The following CDC14A variants were observed in gnomAD, a reference collection of about 807,000 sequenced individuals.
CDC14A encodes dual specificity protein phosphatase CDC14A.
A neutral mutation model predicts 74.4 loss-of-function variants in CDC14A; 53 were observed. The ratio of observed to expected loss-of-function variants is 0.71; its 90% confidence interval spans 0.57 to 0.89. The LOEUF (loss-of-function observed/expected upper bound fraction) is 0.89, where lower values mean the gene tolerates loss of function less well. CDC14A is among the 40% of genes least tolerant of loss of function. The probability of loss-of-function intolerance (pLI) is 0.00; values close to 1 mark genes in which losing one functional copy is unlikely to be tolerated. For missense variants in CDC14A, 646 were observed against 713.7 expected, an observed-to-expected ratio of 0.91 and a Z score of 1.08; for synonymous variants, 247 against 258.4, an observed-to-expected ratio of 0.96 and a Z score of 0.43.
intron 15 of CDC14A, among the ~76,000 whole-genome samples, chr1:100,512,594 T>C (rs899187172): frequency 2.0e-5 from 3 of 152,194 alleles, no homozygotes; most frequent in African/African-American, 7.2e-5. Flanking sequence ...AAGCTGGGTG[T>C]CAACAATCTG....
chr1:100,498,139 A>C lies in CDC14A; in HGVS notation c.1353A>C (p.Ala451=). ...SAVTLKTSKM[A]LSPSATAKRI... ...TTACTTTGAAGACATCAAAAATGGC[A>C]CTGTCCCCTTCAGCAACGGCCAAGA... is the stretch of plus-strand genomic sequence containing the variant. The change falls in exon 14 of 16, where the codon GCA becomes GCC. Residue 451 remains alanine (A), a synonymous_variant. Transcript: ENST00000336454. 6.2e-7 allele frequency: 1 copy of C among 1,614,170 alleles called. No individual in the cohort carries two copies. Among genetic ancestry groups the C allele is most frequent in the Non-Finnish European group, 8.5e-7 (1 of 1,179,978 alleles).
At chr1:100,387,713 T>G (rs943755273) in intron 3 of CDC14A, among the ~76,000 whole-genome samples, 15 of 152,202 alleles carry the variant, frequency 9.9e-5, no homozygotes, top group Non-Finnish European at 2.2e-4. Context: ...AAATAATATT[T>G]ATAGCTATAC....
At chr1:100,400,330 C>T (rs1157039240) in intron 4 of CDC14A, among the ~76,000 whole-genome samples, 2 of 152,218 alleles carry the variant, frequency 1.3e-5, no homozygotes, top group East Asian at 1.9e-4. Flanking sequence ...AAATAAATGT[C>T]ATTTAAAATG....
At chr1:100,471,864 A>C (rs1668430900) in intron 10 of CDC14A, among the ~76,000 whole-genome samples, 1 of 152,138 alleles carries the variant, frequency 6.6e-6, no homozygotes, top group South Asian at 2.1e-4. Context: ...GTTGATTCAA[A>C]TGTGACAGAA....
chr1:100,413,306 A>G (rs1393024399), intron 4 of CDC14A, among the ~76,000 whole-genome samples: 1 of 152,164 alleles, frequency 6.6e-6, no homozygotes, highest in African/African-American at 2.4e-5. Context: ...TCTATTCTTC[A>G]GTGAGTTCAA....
chr1:100,461,526 A>G (rs1667315022), intron 8 of CDC14A, among the ~76,000 whole-genome samples: 1 of 144,942 alleles, frequency 6.9e-6, no homozygotes, highest in South Asian at 2.1e-4. Context: ...GGGTTCAGTG[A>G]ATTCTGAATG....
At chr1:100,494,123 G>A (rs375442114) in intron 11 of CDC14A, among the ~76,000 whole-genome samples, 1 of 152,280 alleles carries the variant, frequency 6.6e-6, no homozygotes, top group South Asian at 2.1e-4. Context: ...GAGCTTATGG[G>A]AGCTTGGGCA....
intron 3 of CDC14A, among the ~76,000 whole-genome samples, chr1:100,384,978 C>T (rs939618023): frequency 3.9e-5 from 6 of 152,150 alleles, no homozygotes; most frequent in East Asian, 1.9e-4. Flanking sequence ...AGCTTAATTA[C>T]GGAATCATTA....
At chr1:100,419,387 A>G (rs1039114154) in intron 4 of CDC14A, among the ~76,000 whole-genome samples, 1 of 152,240 alleles carries the variant, frequency 6.6e-6, no homozygotes, top group South Asian at 2.1e-4. Flanking sequence ...GGTAGTTTCA[A>G]GCCAAGTGAG....
At chr1:100,501,720 G>A (rs565785523) in intron 15 of CDC14A, among the ~76,000 whole-genome samples, 4 of 152,254 alleles carry the variant, frequency 2.6e-5, no homozygotes, top group South Asian at 2.1e-4. Flanking sequence ...CCAGAAGAAG[G>A]CATTGTTGTT....
At chr1:100,446,568 T>C (rs1665561194) in intron 7 of CDC14A, among the ~76,000 whole-genome samples, 1 of 152,252 alleles carries the variant, frequency 6.6e-6, no homozygotes, top group African/African-American at 2.4e-5. Flanking sequence ...AAATATGTTG[T>C]TTACATATTT....
intron 14 of CDC14A, 57 bp from the exon 15 acceptor site, chr1:100,498,872 T>C: frequency 6.4e-7 from 1 of 1,550,988 alleles, no homozygotes; most frequent in African/African-American, 1.4e-5. Context: ...ACGTGAGCTC[T>C]GTGTGATTGT....
chr1:100,355,095 A>G (rs929994478), intron 2 of CDC14A, among the ~76,000 whole-genome samples: 2 of 152,206 alleles, frequency 1.3e-5, no homozygotes, highest in African/African-American at 2.4e-5. Flanking sequence ...AAGAGGTCTG[A>G]GTCCCTGGTG....
chr1:100,432,530 T>G (rs1260261981), intron 5 of CDC14A, among the ~76,000 whole-genome samples: 2 of 152,174 alleles, frequency 1.3e-5, no homozygotes, highest in Admixed American at 1.3e-4. Context: ...GTGTGGTGAC[T>G]CACAGCTGTA....
At chr1:100,478,435 A>G (rs1200968754) in intron 10 of CDC14A, among the ~76,000 whole-genome samples, 1 of 152,150 alleles carries the variant, frequency 6.6e-6, no homozygotes, top group Non-Finnish European at 1.5e-5. Flanking sequence ...TATATCACAG[A>G]TAGATCTATC....
At chr1:100,484,627 T>TAAA in intron 11 of CDC14A, 176 bp downstream of exon 11, 3 of 963,730 alleles carry the variant, frequency 3.1e-6, no homozygotes, top group Admixed American at 5.0e-5. Context: ...CAATTGCCCT[T>TAAA]AAAAAAAAAA....
intron 2 of CDC14A, among the ~76,000 whole-genome samples, chr1:100,371,462 G>A (rs1401309337): frequency 6.6e-6 from 1 of 152,194 alleles, no homozygotes; most frequent in East Asian, 1.9e-4. Context: ...TTATTTTGGG[G>A]TATGTTCCTT....
Position 100,475,741 on chromosome 1 carries a change from G to T in CDC14A, c.977+7647G>T, listed in dbSNP as rs571651754. ...ATAGGGGTCACCTTGTTACTGAAGG[G>T]TGTTGGTGAAAGTCTTCACTCTCCA... is the stretch of plus-strand genomic sequence containing the variant. On this transcript the variant is annotated intron_variant, in intron 10 of 15. Transcript: ENST00000336454. Among the ~76,000 whole-genome samples, 23 of 152,250 alleles carry T rather than the reference G, an allele frequency of 1.5e-4. 2 individuals are homozygous for T. The South Asian group carries it at 4.8e-3, about 32-fold the overall frequency.
intron 9 of CDC14A, among the ~76,000 whole-genome samples, chr1:100,464,876 A>T (rs78889346): frequency 0.015 from 2,249 of 151,914 alleles, 56 homozygotes; most frequent in African/African-American, 0.051. Context: ...TTTACCTTTT[A>T]AAAAATATAT....
Sources: allele counts gnomAD v4.1 joint callset (sites outside exome capture counted in the v4.1 genomes callset), GRCh38; gene constraint gnomAD v4.1.1; transcripts MANE v1.5; gene names NCBI Gene and HGNC (gene_info 2026-07-23, HGNC 2026-07-21).